Variants in AKAP7 observed in about 807,000 individuals in gnomAD.
The protein encoded by AKAP7 is A kinase (PRKA) anchor protein 7.
In AKAP7, 39 loss-of-function variants were observed where a neutral mutation model predicts 39.5. The ratio of observed to expected loss-of-function variants is 0.99; its 90% confidence interval spans 0.76 to 1.29. The LOEUF is 1.29. AKAP7 is among the 50% of genes most tolerant of loss of function. The pLI, the probability that AKAP7 is intolerant of heterozygous loss-of-function variation, is 0.00. For synonymous variants in AKAP7, 140 were observed against 139.1 expected, an observed-to-expected ratio of 1.01 and a Z score of -0.05; for missense variants, 414 against 407.7, an observed-to-expected ratio of 1.02 and a Z score of -0.13.
At chr6:131,182,978 T>C (rs1310728608) in intron 5 of AKAP7, among the ~76,000 whole-genome samples, 2 of 152,132 alleles carry the variant, frequency 1.3e-5, no homozygotes. Context: ...AATTTAATTT[T>C]GGGGGAAAAA....
chr6:131,199,377 G>T (rs1807290077), intron 5 of AKAP7, 84 bp from the exon 6 acceptor site: 1 of 890,274 alleles, frequency 1.1e-6, no homozygotes, highest in African/African-American at 1.7e-5. Context: ...ATTAGTGATT[G>T]TTTGAACTGG....
rs200679886 is a variant in AKAP7, at chr6:131,176,889, C to G, written c.589+7616C>G. ...GCTTGGGCTACGCTTTCTTCAGAAA[C>G]GTAAAAATAACTTAGCCACACTTCA... is the stretch of plus-strand genomic sequence containing the variant. On this transcript the variant is annotated intron_variant, in intron 5 of 7. Transcript: ENST00000431975. 2.0e-5 allele frequency among the ~76,000 whole-genome samples: 3 copies of G among 152,236 alleles called. No individual in the cohort carries two copies. The East Asian group carries it at 5.8e-4, about 29-fold the overall frequency.
chr6:131,150,349 A>T (rs1443612995), intron 2 of AKAP7, among the ~76,000 whole-genome samples: 2 of 152,230 alleles, frequency 1.3e-5, no homozygotes, highest in Non-Finnish European at 2.9e-5. Context: ...GATTTTAAAC[A>T]TCTTAAAATA....
At chr6:131,216,508 A>C (rs1421565697) in intron 6 of AKAP7, among the ~76,000 whole-genome samples, 1 of 152,214 alleles carries the variant, frequency 6.6e-6, no homozygotes, top group African/African-American at 2.4e-5. Flanking sequence ...ACCAAGAATG[A>C]AATTCCTGTT....
chr6:131,160,351 G>A (rs1181167920), intron 3 of AKAP7, among the ~76,000 whole-genome samples, 153 bp downstream of exon 3: 2 of 152,192 alleles, frequency 1.3e-5, no homozygotes, highest in Non-Finnish European at 2.9e-5. Context: ...TTAAGTAATA[G>A]AAATGTATTT....
chr6:131,226,778 T>A (rs1485300985), intron 7 of AKAP7, among the ~76,000 whole-genome samples: 1 of 152,208 alleles, frequency 6.6e-6, no homozygotes, highest in African/African-American at 2.4e-5. Context: ...TTTGTTTGTT[T>A]GTTTGCAGTC....
intron 6 of AKAP7, among the ~76,000 whole-genome samples, chr6:131,207,517 T>TTTTTTTTA (rs1367120493): frequency 7.1e-6 from 1 of 141,564 alleles, no homozygotes; most frequent in African/African-American, 2.7e-5. Context: ...TTTTTTTTTT[T>TTTTTTTTA]AGATATGGGG....
intron 6 of AKAP7, among the ~76,000 whole-genome samples, chr6:131,204,178 A>C (rs1327183470): frequency 2.6e-5 from 4 of 152,204 alleles, no homozygotes; most frequent in Non-Finnish European, 5.9e-5. Context: ...CTAGCTGCTG[A>C]TATTATTCTA....
intron 5 of AKAP7, among the ~76,000 whole-genome samples, chr6:131,193,777 A>G (rs1039012992): frequency 4.6e-5 from 7 of 151,968 alleles, no homozygotes; most frequent in African/African-American, 1.7e-4. Flanking sequence ...TTCAATCTTC[A>G]TAGATTGTAT....
At chr6:131,185,715 A>G (rs566485473) in intron 5 of AKAP7, among the ~76,000 whole-genome samples, 4 of 152,290 alleles carry the variant, frequency 2.6e-5, no homozygotes, top group African/African-American at 7.2e-5. Context: ...TAAATTCTGA[A>G]TGTTAATCTC....
At chr6:131,253,839 A>G (rs1344901178) in intron 7 of AKAP7, among the ~76,000 whole-genome samples, 1 of 152,148 alleles carries the variant, frequency 6.6e-6, no homozygotes, top group African/African-American at 2.4e-5. Flanking sequence ...CGTATTCCAT[A>G]GTATATATAT....
Position 131,237,715 on chromosome 6 carries a change from G to A in AKAP7, c.850+17907G>A, listed in dbSNP as rs372608070. ...CCTAGAGGTGTTTATAGTATTCTCT[G>A]ATGGTAGTTTGTATTTCTGTGGGAT... On this transcript the variant is annotated intron_variant, in intron 7 of 7. Coordinates refer to ENST00000431975, the MANE Select transcript of AKAP7 (RefSeq NM_016377.4). Among the ~76,000 whole-genome samples, 122 of 152,274 alleles carry A rather than the reference G, an allele frequency of 8.0e-4. 2 individuals are homozygous for A. The East Asian group carries it at 0.019, about 24-fold the overall frequency.
At chr6:131,204,114 A>G (rs566898021) in intron 6 of AKAP7, among the ~76,000 whole-genome samples, 31 of 152,306 alleles carry the variant, frequency 2.0e-4, no homozygotes, top group African/African-American at 7.2e-4. Context: ...TGAGCTATGA[A>G]TTATGCAACT....
chr6:131,167,595 T>C (rs1003490451), intron 4 of AKAP7, among the ~76,000 whole-genome samples: 12 of 152,148 alleles, frequency 7.9e-5, no homozygotes, highest in Non-Finnish European at 1.6e-4. Context: ...AGTTAGGTAA[T>C]AGTGAATTTA....
At chr6:131,207,480 G>A (rs891036492) in intron 6 of AKAP7, among the ~76,000 whole-genome samples, 1 of 100,606 alleles carries the variant, frequency 9.9e-6, no homozygotes, top group South Asian at 3.1e-4. Flanking sequence ...CACCATGCCT[G>A]GCTAATTAAA....
chr6:131,243,866 T>C (rs1412158611), intron 7 of AKAP7, among the ~76,000 whole-genome samples: 2 of 152,206 alleles, frequency 1.3e-5, no homozygotes, highest in African/African-American at 2.4e-5. Context: ...GTTTCTTTTC[T>C]TCTTGTGAAG....
At position 131,148,924 on chromosome 6, in the gene AKAP7, C is replaced by A. The variant is rs139154041; in HGVS notation, c.151+3508C>A. ...TCAAAATTCTCAGGTTGTTTGTTGCCTATGATTCCTTCAGTTTTCTTTGAC... is the reference window on the plus strand; with the variant it reads ...TCAAAATTCTCAGGTTGTTTGTTGCATATGATTCCTTCAGTTTTCTTTGAC... On this transcript the variant is annotated intron_variant, in intron 2 of 7. Transcript: ENST00000431975. Among the ~76,000 whole-genome samples the A allele has an allele frequency of 3.9e-5, 6 of 152,180 alleles. No individual in the cohort carries two copies. In the East Asian group the frequency reaches 7.9e-4, roughly 20 times the overall value.
chr6:131,130,397 G>A, the AKAP7 span, among the ~76,000 whole-genome samples: 11 of 152,228 alleles, frequency 7.2e-5, no homozygotes, highest in Non-Finnish European at 1.2e-4. Context: ...TCCTGAGTTC[G>A]AGCGATTCTC....
At chr6:131,211,149 G>T (rs941344307) in intron 6 of AKAP7, among the ~76,000 whole-genome samples, 1 of 152,168 alleles carries the variant, frequency 6.6e-6, no homozygotes, top group African/African-American at 2.4e-5. Context: ...GCTTTCTGGG[G>T]TCTGTGTGAG....
Sources: allele counts gnomAD v4.1 joint callset (sites outside exome capture counted in the v4.1 genomes callset), GRCh38; gene constraint gnomAD v4.1.1; transcripts MANE v1.5; gene names NCBI Gene and HGNC (gene_info 2026-07-23, HGNC 2026-07-21).